Variants in TTC29 observed in about 807,000 individuals in gnomAD.
The protein encoded by TTC29 is tetratricopeptide repeat domain 29, also known as tetratricopeptide repeat protein 29.
Under a neutral mutation model 58.1 loss-of-function variants are expected in TTC29, and 49 were observed. The ratio of observed to expected loss-of-function variants is 0.84; its 90% CI spans 0.67 to 1.07. TTC29 has a LOEUF of 1.07. Among genes scored for constraint, TTC29 ranks in the 50% least tolerant of loss-of-function variants. TTC29 has a pLI of 0.00. For synonymous variants in TTC29, 209 were observed against 196.8 expected, an observed-to-expected ratio of 1.06 and a Z score of -0.52; for missense variants, 582 against 555.6, an observed-to-expected ratio of 1.05 and a Z score of -0.48.
At chr4:146,723,399 T>G (rs1287495192) in intron 11 of TTC29, among the ~76,000 whole-genome samples, 2 of 152,118 alleles carry the variant, frequency 1.3e-5, no homozygotes, top group East Asian at 3.9e-4. Context: ...GGGACCTAAT[T>G]AAACTAAAGA....
chr4:146,737,892 C>G (rs1210182261), intron 11 of TTC29, among the ~76,000 whole-genome samples: 1 of 152,148 alleles, frequency 6.6e-6, no homozygotes, highest in Non-Finnish European at 1.5e-5. Context: ...ATGACAAGTG[C>G]TGGAAGCAGG....
intron 8 of TTC29, among the ~76,000 whole-genome samples, chr4:146,852,043 C>G (rs1003233922): frequency 1.3e-5 from 2 of 152,164 alleles, no homozygotes; most frequent in African/African-American, 2.4e-5. Flanking sequence ...TCAAGTGATT[C>G]TCCTGCCTCA....
At chr4:146,851,364 A>C (rs1442126323) in intron 8 of TTC29, among the ~76,000 whole-genome samples, 1 of 152,202 alleles carries the variant, frequency 6.6e-6, no homozygotes, top group Non-Finnish European at 1.5e-5. Context: ...AGGCACTGTG[A>C]TTCCAAGGGG....
chr4:146,759,011 T>C (rs1168959321), intron 11 of TTC29, among the ~76,000 whole-genome samples: 2 of 151,660 alleles, frequency 1.3e-5, no homozygotes, highest in Non-Finnish European at 2.9e-5. Flanking sequence ...CTAAATGAAA[T>C]TGAAATAAAA....
intron 11 of TTC29, among the ~76,000 whole-genome samples, chr4:146,720,018 T>A (rs533626708): frequency 2.0e-5 from 3 of 152,268 alleles, no homozygotes; most frequent in Non-Finnish European, 2.9e-5. Flanking sequence ...ATCCATTTAT[T>A]ACAACATCTT....
rs184749854 is a variant in TTC29, at chr4:146,771,970, T to C, written c.1330+31487A>G. On this transcript the variant is annotated intron_variant, in intron 11 of 12. Transcript: ENST00000325106. The stretch of plus-strand genomic sequence containing the variant: ...CTGACTGGTGTGAGATGGTATCTCA[T>C]TGTGATTTTAATTTACATTTCTCTA... 2.6e-4 allele frequency among the ~76,000 whole-genome samples: 40 copies of C among 152,304 alleles called. No homozygotes were observed. In the East Asian group the frequency reaches 6.4e-3, roughly 24 times the overall value.
intron 9 of TTC29, among the ~76,000 whole-genome samples, chr4:146,822,123 A>T (rs59457873): frequency 3.9e-4 from 49 of 124,416 alleles, no homozygotes; most frequent in East Asian, 5.0e-4. Flanking sequence ...TTTTCTTTTA[A>T]AAAAAAAAAA....
At chr4:146,813,911 G>A (rs543367693) in intron 10 of TTC29, among the ~76,000 whole-genome samples, 1 of 152,202 alleles carries the variant, frequency 6.6e-6, no homozygotes, top group East Asian at 1.9e-4. Context: ...GTGAACCCGG[G>A]AGGCAGAGGT....
At chr4:146,869,584 A>G (rs948431509) in intron 7 of TTC29, among the ~76,000 whole-genome samples, 1 of 152,114 alleles carries the variant, frequency 6.6e-6, no homozygotes, top group Admixed American at 6.6e-5. Flanking sequence ...GCTACTTATT[A>G]GAGAGTTAAA....
At position 146,939,836 on chromosome 4, in the gene TTC29, C is replaced by T; in HGVS notation, c.60G>A (p.Gln20=). ...TRPKLTALAR[Q]KLPCSSRKIP... ...TTTTTCTGGAGGAGCAAGGCAGCTT[C>T]TGTCTGGCTAAGGCTGTAAGCTTCG... The change falls in exon 3 of 13, where the codon CAG becomes CAA. Residue 20 remains glutamine, a synonymous_variant. Coordinates refer to ENST00000325106, the MANE Select transcript of TTC29 (RefSeq NM_031956.4). The T allele has an allele frequency of 3.1e-6, 5 of 1,613,162 alleles. No individual in the cohort carries two copies. The highest frequency in any genetic ancestry group is 4.2e-6 in the Non-Finnish European group (5 of 1,179,638).
intron 11 of TTC29, among the ~76,000 whole-genome samples, chr4:146,766,609 T>C (rs1579626487): frequency 6.6e-6 from 1 of 152,234 alleles, no homozygotes; most frequent in East Asian, 1.9e-4. Context: ...GTGATAAAGC[T>C]ATTAGTCTCA....
chr4:146,844,995 A>T (rs990539489), intron 8 of TTC29, among the ~76,000 whole-genome samples: 1 of 151,974 alleles, frequency 6.6e-6, no homozygotes, highest in Non-Finnish European at 1.5e-5. Flanking sequence ...TGTAGGGGGA[A>T]ATAAGAAAAC....
chr4:146,928,497 A>G (rs990556672), intron 4 of TTC29, among the ~76,000 whole-genome samples: 2 of 152,190 alleles, frequency 1.3e-5, no homozygotes, highest in African/African-American at 4.8e-5. Context: ...AAACCTGGAA[A>G]CAGTATGCAC....
At chr4:146,922,257 TA>T (rs57324993) in intron 4 of TTC29, among the ~76,000 whole-genome samples, 23,736 of 149,038 alleles carry the variant, frequency 0.16, 2,978 homozygotes, top group African/African-American at 0.34. Flanking sequence ...CTCAGGATGA[TA>T]AAAAAAAACC....
chr4:146,931,446 G>A (rs1413487839), intron 4 of TTC29, among the ~76,000 whole-genome samples: 1 of 152,038 alleles, frequency 6.6e-6, no homozygotes, highest in Non-Finnish European at 1.5e-5. Context: ...ATTGAGTGTC[G>A]TCTACACGTG....
At chr4:146,734,620 A>G (rs1483592325) in intron 11 of TTC29, among the ~76,000 whole-genome samples, 1 of 152,038 alleles carries the variant, frequency 6.6e-6, no homozygotes, top group Admixed American at 6.6e-5. Context: ...ATCTCCAGGT[A>G]GATAGTTTTG....
At chr4:146,846,672 A>G (rs1239808281) in intron 8 of TTC29, among the ~76,000 whole-genome samples, 9 of 152,152 alleles carry the variant, frequency 5.9e-5, no homozygotes, top group Non-Finnish European at 4.4e-5. Flanking sequence ...GTGACTATCT[A>G]GAAGGTTTTA....
chr4:146,919,540 C>T (rs1004863755), intron 4 of TTC29, among the ~76,000 whole-genome samples: 1 of 150,890 alleles, frequency 6.6e-6, no homozygotes, highest in Non-Finnish European at 1.5e-5. Context: ...ATCAAATGAT[C>T]ATTTTTGTCT....
At position 146,737,597 on chromosome 4, in the gene TTC29, G is replaced by A. The variant is rs978300471; in HGVS notation, c.1331-30046C>T. 2.9e-3 allele frequency among the ~76,000 whole-genome samples: 437 copies of A among 150,290 alleles called. 3 individuals are homozygous for A. Among genetic ancestry groups the A allele is most frequent in the African/African-American group, 0.01 (415 of 41,006 alleles). Reference sequence around the variant, plus strand: ...GGCTGATGCTAGTAGCCCTGGGGGGGGGGGGGCTACAAACGGGTCTTGACA... The same window carrying A: ...GGCTGATGCTAGTAGCCCTGGGGGGAGGGGGGCTACAAACGGGTCTTGACA... On this transcript the variant is annotated intron_variant, in intron 11 of 12. Transcript: ENST00000325106.
Sources: allele counts gnomAD v4.1 joint callset (sites outside exome capture counted in the v4.1 genomes callset), GRCh38; gene constraint gnomAD v4.1.1; transcripts MANE v1.5; gene names NCBI Gene and HGNC (gene_info 2026-07-23, HGNC 2026-07-21).